The following DNAH7 variants were observed in gnomAD, a reference collection of about 807,000 sequenced individuals.
DNAH7 encodes the protein dynein axonemal heavy chain 7.
A neutral mutation model predicts 444.6 loss-of-function variants in DNAH7; 397 were observed. That is an observed-to-expected ratio of 0.89 (90% CI 0.82 to 0.97). DNAH7 has a LOEUF of 0.97. DNAH7 is among the 50% of genes least tolerant of loss of function. The probability of loss-of-function intolerance (pLI) is 0.00; values close to 1 mark genes in which losing one functional copy is unlikely to be tolerated. For missense variants in DNAH7, 4,902 were observed against 4,800.8 expected (o/e 1.02, Z -0.62); for synonymous variants, 1,636 against 1,624.4 (o/e 1.01, Z -0.17).
chr2:195,834,165 C>A (rs1292897026), intron 48 of DNAH7, 41 bp downstream of exon 48: 1 of 1,557,854 alleles, frequency 6.4e-7, no homozygotes, highest in Non-Finnish European at 8.7e-7. Context: ...GTGCCCTCTC[C>A]AGGCAGTTCT....
At chr2:196,014,568 C>T (rs561247956) in intron 9 of DNAH7, among the ~76,000 whole-genome samples, 2 of 152,236 alleles carry the variant, frequency 1.3e-5, no homozygotes, top group African/African-American at 2.4e-5. Context: ...CCACCCTGAC[C>T]CCTGGCTCTG....
intron 19 of DNAH7, among the ~76,000 whole-genome samples, chr2:195,949,060 G>C (rs1401194138): frequency 6.6e-6 from 1 of 152,132 alleles, no homozygotes; most frequent in Non-Finnish European, 1.5e-5. Context: ...TAGGAATTGT[G>C]AATGGGAGTT....
intron 22 of DNAH7, among the ~76,000 whole-genome samples, chr2:195,924,171 T>C (rs561202626): frequency 6.6e-6 from 1 of 152,084 alleles, no homozygotes; most frequent in Non-Finnish European, 1.5e-5. Flanking sequence ...GACTGCTATA[T>C]AGATTGAGAG....
chr2:195,816,572 ACT>A (rs1468786552), intron 51 of DNAH7, 54 bp downstream of exon 51: 1 of 1,300,774 alleles, frequency 7.7e-7, no homozygotes, highest in Non-Finnish European at 1.1e-6. Context: ...GTCACAAATT[ACT>A]CTCTGATTTC....
intron 51 of DNAH7, among the ~76,000 whole-genome samples, chr2:195,813,295 CT>C (rs1344449146): frequency 6.6e-6 from 1 of 152,090 alleles, no homozygotes; most frequent in Admixed American, 6.6e-5. Context: ...TCCTTCCCTC[CT>C]TTTTTTCTTA....
chr2:196,026,247 C>T (rs1334908811), intron 7 of DNAH7, among the ~76,000 whole-genome samples: 2 of 152,140 alleles, frequency 1.3e-5, no homozygotes, highest in Non-Finnish European at 2.9e-5. Flanking sequence ...GCCAGATTTG[C>T]CTGTGAGCTA....
chr2:195,945,890 G>T (rs1450375323), intron 19 of DNAH7, among the ~76,000 whole-genome samples: 4 of 152,150 alleles, frequency 2.6e-5, no homozygotes, highest in Non-Finnish European at 1.5e-5. Context: ...TGCAGAGAGG[G>T]ATTATCCACT....
intron 47 of DNAH7, among the ~76,000 whole-genome samples, chr2:195,840,042 A>G (rs1698592809): frequency 6.6e-6 from 1 of 151,774 alleles, no homozygotes; most frequent in South Asian, 2.1e-4. Flanking sequence ...GCAAAACCAT[A>G]CAGACATTAC....
intron 35 of DNAH7, among the ~76,000 whole-genome samples, chr2:195,883,463 A>C (rs550835161): frequency 9.2e-4 from 109 of 118,254 alleles, no homozygotes; most frequent in Non-Finnish European, 8.7e-4. Flanking sequence ...CCCCCCCCCA[A>C]AAAAAAAGAA....
rs1553600599 is a variant in DNAH7 at position 195,990,814 on chromosome 2, T to TATATATATACTTAAATATATATAC, written c.1354-2609_1354-2586dup. Among the ~76,000 whole-genome samples the TATATATATACTTAAATATATATAC allele has an allele frequency of 2.0e-3, 238 of 120,416 alleles. 1 individual carries two copies. Among genetic ancestry groups the TATATATATACTTAAATATATATAC allele is most frequent in the Non-Finnish European group, 3.4e-3 (190 of 55,212 alleles). The allele number at this position is 120,416 out of a possible 152,430, so 79.0% of individuals were successfully genotyped here. ...GTGTGTGTGTGTGTGTGTGTGTGTATATATATATACTTAAATATATATACA... is the reference window on the plus strand; with the variant it reads ...GTGTGTGTGTGTGTGTGTGTGTGTATATATATATACTTAAATATATATACATATATATACTTAAATATATATACA... On this transcript the variant is annotated intron_variant, in intron 12 of 64. Transcript: ENST00000312428.
chr2:195,852,633 A>C (rs1699438767), intron 46 of DNAH7, among the ~76,000 whole-genome samples: 2 of 152,202 alleles, frequency 1.3e-5, no homozygotes, highest in Admixed American at 6.5e-5. Flanking sequence ...GTAAAAACTA[A>C]AAAGTGGAAG....
At chr2:195,739,759 G>T (rs988020314) in intron 64 of DNAH7, among the ~76,000 whole-genome samples, 1 of 152,076 alleles carries the variant, frequency 6.6e-6, no homozygotes, top group African/African-American at 2.4e-5. Flanking sequence ...GCATTGTCAC[G>T]CTCCTTGGTG....
chr2:195,908,784 A>G (rs1687189200), intron 25 of DNAH7, among the ~76,000 whole-genome samples: 1 of 152,148 alleles, frequency 6.6e-6, no homozygotes, highest in African/African-American at 2.4e-5. Flanking sequence ...TTAATTGGTC[A>G]TTTAAATGTT....
chr2:195,844,913 A>C lies in DNAH7; in HGVS notation c.8945+89T>G, dbSNP rs939958941. ...AGTTAAGTAATTTTTTAATACTGTA[A>C]AAGTTTGCTACCTAAAATTGTTAAA... On this transcript the variant is annotated intron_variant, in intron 47 of 64. Transcript: ENST00000312428. 3 of 1,199,488 alleles carry C rather than the reference A, an allele frequency of 2.5e-6. No individual in the cohort carries two copies. In the Admixed American group the frequency reaches 8.0e-5, roughly 32 times the overall value. The allele number at this position is 1,199,488 out of a possible 1,614,324, so 74.3% of individuals were successfully genotyped here.
Position 196,009,284 on chromosome 2 carries a change from A to G in DNAH7, c.989+3503T>C, listed in dbSNP as rs373699456. ...TGGAACTAATGGTAATGGTTGCACA[A>G]CCTTGCGAGTATATTATCAACTACT... On this transcript the variant is annotated intron_variant, in intron 10 of 64. Transcript: ENST00000312428. Among the ~76,000 whole-genome samples the G allele has an allele frequency of 8.9e-4, 136 of 152,254 alleles. 1 individual carries two copies. Among genetic ancestry groups the G allele is most frequent in the South Asian group, 2.3e-3 (11 of 4,816 alleles).
intron 61 of DNAH7, among the ~76,000 whole-genome samples, chr2:195,769,613 G>A (rs966933980): frequency 1.3e-5 from 2 of 151,864 alleles, no homozygotes; most frequent in African/African-American, 4.8e-5. Flanking sequence ...GGGGGTAAAG[G>A]TGTTAGGACC....
At chr2:195,754,649 T>A (rs1693984283) in intron 62 of DNAH7, 135 bp from the exon 63 acceptor site, 3 of 767,764 alleles carry the variant, frequency 3.9e-6, no homozygotes, top group Non-Finnish European at 6.1e-6. Flanking sequence ...TAGCTGGGAA[T>A]ACAGGCACAT....
At chr2:195,920,313 A>C (rs1687946458) in intron 24 of DNAH7, among the ~76,000 whole-genome samples, 1 of 152,210 alleles carries the variant, frequency 6.6e-6, no homozygotes, top group Non-Finnish European at 1.5e-5. Flanking sequence ...TTCAAACTAC[A>C]CTATAAGGCT....
chr2:195,844,260 C>CA (rs1286156124), intron 47 of DNAH7, among the ~76,000 whole-genome samples: 1 of 152,092 alleles, frequency 6.6e-6, no homozygotes, highest in African/African-American at 2.4e-5. Flanking sequence ...AACAATTAGT[C>CA]AAAATAGTCA....
Sources: gnomAD v4.1 joint callset for allele counts (sites outside exome capture counted in the v4.1 genomes callset) on GRCh38, gnomAD v4.1.1 for gene constraint, MANE v1.5 for transcripts, NCBI Gene and HGNC (gene_info 2026-07-23, HGNC 2026-07-21) for gene names.